The following RPRD1A variants were observed in gnomAD, a reference collection of about 807,000 sequenced individuals.
RPRD1A encodes regulation of nuclear pre-mRNA domain-containing protein 1A.
A neutral mutation model predicts 37.8 loss-of-function variants in RPRD1A; 9 were observed. That is an observed-to-expected ratio of 0.24 (90% CI 0.14 to 0.42). RPRD1A has a LOEUF of 0.42. Among genes scored for constraint, RPRD1A ranks in the 10% least tolerant of loss-of-function variants. RPRD1A has a pLI of 1.00. For synonymous variants in RPRD1A, 138 were observed against 139.7 expected (o/e 0.99, Z 0.08); for missense variants, 255 against 371.0 (o/e 0.69, Z 2.57).
intron 6 of RPRD1A, among the ~76,000 whole-genome samples, chr18:36,019,528 A>G (rs1470274156): frequency 6.6e-6 from 1 of 152,196 alleles, no homozygotes; most frequent in Non-Finnish European, 1.5e-5. Flanking sequence ...CAGGTAGTAC[A>G]TGACAACCAC....
At chr18:36,047,641 A>G (rs1913052551) in intron 1 of RPRD1A, among the ~76,000 whole-genome samples, 1 of 152,232 alleles carries the variant, frequency 6.6e-6, no homozygotes, top group African/African-American at 2.4e-5. Context: ...ATAAAACAGG[A>G]TATCACTACA....
chr18:36,052,565 T>C (rs890158925), intron 1 of RPRD1A, among the ~76,000 whole-genome samples: 5 of 152,174 alleles, frequency 3.3e-5, no homozygotes, highest in Non-Finnish European at 7.4e-5. Context: ...ACAGAGTTTT[T>C]GTATGCTATT....
intron 6 of RPRD1A, among the ~76,000 whole-genome samples, chr18:36,021,269 C>G (rs1910976457): frequency 6.6e-6 from 1 of 152,168 alleles, no homozygotes; most frequent in African/African-American, 2.4e-5. Context: ...CAACCCGGCA[C>G]CAAACAAGTC....
At chr18:36,031,514 T>TAAC (rs764537194) in intron 2 of RPRD1A, among the ~76,000 whole-genome samples, 59 of 152,202 alleles carry the variant, frequency 3.9e-4, no homozygotes, top group Non-Finnish European at 7.1e-4. Context: ...TTGTTATTTA[T>TAAC]AAGTATCACA....
At position 36,067,178 on chromosome 18, in the gene RPRD1A, GGA is replaced by G. The variant is rs2089048587; in HGVS notation, c.151+74_151+75del. Reference sequence around the variant, plus strand: ...CCGACGCCGGGAAGCCGGGGGCGCTGGAGAAACGGGGTTCCCGGGGGCGCCTG... The same window carrying G: ...CCGACGCCGGGAAGCCGGGGGCGCTGGAAACGGGGTTCCCGGGGGCGCCTG... On this transcript the variant is annotated intron_variant, in intron 1 of 6. Coordinates refer to ENST00000399022, the MANE Select transcript of RPRD1A (RefSeq NM_018170.5). The G allele has an allele frequency of 7.5e-6, 11 of 1,461,864 alleles. No homozygotes were observed. In the Admixed American group the frequency reaches 2.5e-4, roughly 33 times the overall value. 90.6% of individuals were successfully genotyped at this position (1,461,864 alleles called of 1,614,324 possible).
chr18:35,994,882 T>C (rs1045483693), intron 6 of RPRD1A, among the ~76,000 whole-genome samples: 2 of 152,200 alleles, frequency 1.3e-5, no homozygotes, highest in Non-Finnish European at 2.9e-5. Flanking sequence ...TTAGTAAAAA[T>C]ATACATATAA....
chr18:36,057,746 A>T (rs1381637211), intron 1 of RPRD1A, among the ~76,000 whole-genome samples: 1 of 152,260 alleles, frequency 6.6e-6, no homozygotes, highest in East Asian at 1.9e-4. Context: ...CATTCAAATG[A>T]TTACAACAGC....
intron 6 of RPRD1A, among the ~76,000 whole-genome samples, chr18:36,002,233 C>T (rs747100016): frequency 2.0e-5 from 3 of 152,166 alleles, no homozygotes; most frequent in African/African-American, 4.8e-5. Context: ...GTATTCCAAG[C>T]CCATGTACAT....
intron 6 of RPRD1A, among the ~76,000 whole-genome samples, chr18:36,005,308 AT>A (rs1370518619): frequency 2.0e-5 from 3 of 152,138 alleles, no homozygotes; most frequent in South Asian, 2.1e-4. Flanking sequence ...CTCAAAAAAA[AT>A]AAAATAAAAA....
intron 6 of RPRD1A, among the ~76,000 whole-genome samples, chr18:36,007,439 A>C (rs1278526266): frequency 6.6e-6 from 1 of 152,146 alleles, no homozygotes; most frequent in African/African-American, 2.4e-5. Context: ...AAAAGAAGAG[A>C]ATTTTCTGAT....
chr18:36,040,813 T>A, intron 1 of RPRD1A: 1 of 1,518,702 alleles, frequency 6.6e-7, no homozygotes, highest in Non-Finnish European at 8.8e-7. Context: ...TTACAGTAAA[T>A]TCCTGTTTGA....
chr18:36,052,051 C>T (rs143672350), intron 1 of RPRD1A, among the ~76,000 whole-genome samples: 173 of 151,570 alleles, frequency 1.1e-3, no homozygotes, highest in Non-Finnish European at 7.5e-4. Context: ...ACAAAGACAA[C>T]GAGAATCTTG....
chr18:35,997,576 A>C (rs1193507638), intron 6 of RPRD1A, among the ~76,000 whole-genome samples: 2 of 152,194 alleles, frequency 1.3e-5, no homozygotes, highest in Non-Finnish European at 2.9e-5. Context: ...GAAAGCAGAG[A>C]ATGTAAATAA....
At chr18:36,027,656 T>G (rs1911467531) in intron 4 of RPRD1A, 1 of 183,044 alleles carries the variant, frequency 5.5e-6, no homozygotes, top group Non-Finnish European at 1.2e-5. Context: ...AACATCAACC[T>G]AGAGAATACA....
chr18:36,048,934 C>A (rs1913165610), intron 1 of RPRD1A, among the ~76,000 whole-genome samples: 1 of 152,202 alleles, frequency 6.6e-6, no homozygotes, highest in Non-Finnish European at 1.5e-5. Flanking sequence ...TCAGCAAGAG[C>A]TGAATTGCAC....
chr18:36,062,033 C>T (rs950272383), intron 1 of RPRD1A, among the ~76,000 whole-genome samples: 7 of 152,116 alleles, frequency 4.6e-5, no homozygotes, highest in Non-Finnish European at 1.5e-5. Flanking sequence ...ATTTTAAAAA[C>T]ATGGCCGGGC....
chr18:36,059,058 C>T (rs1467298277), intron 1 of RPRD1A, among the ~76,000 whole-genome samples: 1 of 152,100 alleles, frequency 6.6e-6, no homozygotes, highest in African/African-American at 2.4e-5. Context: ...TACTAACTAC[C>T]CTTATTTGAT....
In RPRD1A at chr18:36,009,612, A is replaced by T. The variant is rs150178570; in HGVS notation, c.790-16312T>A. ...TCTCTTATTAGGGCAGAGATATTACATATACAATTTCTTCATTTCCTATGT... is the reference window on the plus strand; with the variant it reads ...TCTCTTATTAGGGCAGAGATATTACTTATACAATTTCTTCATTTCCTATGT... On this transcript the variant is annotated intron_variant, in intron 6 of 6. Coordinates refer to ENST00000399022, the MANE Select transcript of RPRD1A (RefSeq NM_018170.5). 3.6e-3 allele frequency among the ~76,000 whole-genome samples: 544 copies of T among 152,348 alleles called. 1 individual carries two copies. The highest frequency in any genetic ancestry group is 5.5e-3 in the Non-Finnish European group (375 of 68,030).
At chr18:36,055,973 T>C (rs914229021) in intron 1 of RPRD1A, among the ~76,000 whole-genome samples, 1 of 152,190 alleles carries the variant, frequency 6.6e-6, no homozygotes, top group Non-Finnish European at 1.5e-5. Flanking sequence ...CACTAATGCC[T>C]AGCACTTCTA....
Sources: allele counts gnomAD v4.1 joint callset (sites outside exome capture counted in the v4.1 genomes callset), GRCh38; gene constraint gnomAD v4.1.1; transcripts MANE v1.5; gene names NCBI Gene and HGNC (gene_info 2026-07-23, HGNC 2026-07-21).